Variants in PLXDC2 observed in about 807,000 individuals in gnomAD.
PLXDC2 encodes plexin domain containing 2, also known as plexin domain-containing protein 2.
PLXDC2 carries 40 observed loss-of-function variants against 68.9 expected under a neutral mutation model. The observed-to-expected ratio is 0.58, with a 90% confidence interval of 0.45 to 0.76. The LOEUF (loss-of-function observed/expected upper bound fraction) is 0.76, where lower values mean the gene tolerates loss of function less well. Among genes scored for constraint, PLXDC2 ranks in the 30% least tolerant of loss-of-function variants. The probability of loss-of-function intolerance (pLI) is 0.00; values close to 1 mark genes in which losing one functional copy is unlikely to be tolerated. For missense variants in PLXDC2, 644 were observed against 661.9 expected, an observed-to-expected ratio of 0.97 and a Z score of 0.30; for synonymous variants, 243 against 234.2, an observed-to-expected ratio of 1.04 and a Z score of -0.34.
intron 4 of PLXDC2, among the ~76,000 whole-genome samples, chr10:20,124,157 A>C (rs1450001480): frequency 1.3e-5 from 2 of 152,140 alleles, no homozygotes; most frequent in Non-Finnish European, 2.9e-5. Context: ...ATGGGTAAAT[A>C]ATCAGAGAGG....
intron 10 of PLXDC2, among the ~76,000 whole-genome samples, chr10:20,214,898 G>A (rs2131860825): frequency 6.6e-6 from 1 of 152,278 alleles, no homozygotes; most frequent in South Asian, 2.1e-4. Flanking sequence ...TACTCCTTGA[G>A]TTTGAGATGT....
At chr10:20,172,088 C>T (rs1050300775) in intron 7 of PLXDC2, among the ~76,000 whole-genome samples, 2 of 152,100 alleles carry the variant, frequency 1.3e-5, no homozygotes, top group Admixed American at 6.6e-5. Context: ...CTACCCCTTA[C>T]ATTTATACGA....
rs142344167 is a variant in PLXDC2 at position 19,847,385 on chromosome 10, G to C, written c.112+30194G>C. Among the ~76,000 whole-genome samples, 529 of 152,286 alleles carry C rather than the reference G, an allele frequency of 3.5e-3. 4 individuals carry two copies. Among genetic ancestry groups the C allele is most frequent in the African/African-American group, 0.012 (497 of 41,562 alleles). ...GAAGGAGTCACTTTGGTTTGTGCAG[G>C]TCTGCAGAGCACGTTTTAAGAACTA... On this transcript the variant is annotated intron_variant, in intron 1 of 13. Coordinates refer to ENST00000377252, the MANE Select transcript of PLXDC2 (RefSeq NM_032812.9).
At chr10:19,851,740 G>C (rs1409400171) in intron 1 of PLXDC2, among the ~76,000 whole-genome samples, 1 of 152,068 alleles carries the variant, frequency 6.6e-6, no homozygotes, top group African/African-American at 2.4e-5. Flanking sequence ...TAAAAACCTG[G>C]TTTGACGGTG....
intron 4 of PLXDC2, among the ~76,000 whole-genome samples, chr10:20,069,520 T>C (rs1424911786): frequency 6.6e-6 from 1 of 152,136 alleles, no homozygotes; most frequent in Admixed American, 6.6e-5. Context: ...TTAACCATGG[T>C]GGGGTGCTCC....
chr10:20,041,890 CTCT>C (rs1239317469), intron 2 of PLXDC2, among the ~76,000 whole-genome samples: 1 of 152,126 alleles, frequency 6.6e-6, no homozygotes, highest in Non-Finnish European at 1.5e-5. Context: ...AATCTCATAT[CTCT>C]TCTTACAAGG....
chr10:20,067,449 G>T (rs1458994222), intron 3 of PLXDC2, among the ~76,000 whole-genome samples: 2 of 152,140 alleles, frequency 1.3e-5, no homozygotes, highest in African/African-American at 2.4e-5. Context: ...ACTTTGGGAG[G>T]CTGAGGCAGG....
chr10:19,951,082 C>G (rs935567947), intron 1 of PLXDC2, among the ~76,000 whole-genome samples: 1 of 152,014 alleles, frequency 6.6e-6, no homozygotes, highest in Admixed American at 6.6e-5. Flanking sequence ...TGGACATCAG[C>G]CTTGGGAAAG....
chr10:20,280,874 A>G lies in PLXDC2; in HGVS notation c.*1055A>G, dbSNP rs1053200458. The G allele has an allele frequency of 6.6e-6, 1 of 152,018 alleles. No homozygotes were observed. Among genetic ancestry groups the G allele is most frequent in the African/African-American group, 2.4e-5 (1 of 41,426 alleles). 9.4% of individuals were successfully genotyped at this position (152,018 alleles called of 1,614,324 possible). On this transcript the variant is annotated 3_prime_UTR_variant, in exon 14 of 14. Transcript: ENST00000377252. ...ATGAAAAAACCCTGCTGAATCATACAGTAATTTTCTTTAAAGCACATAGTA... is the reference window on the plus strand; with the variant it reads ...ATGAAAAAACCCTGCTGAATCATACGGTAATTTTCTTTAAAGCACATAGTA...
At chr10:20,198,834 TG>T (rs1834877354) in intron 9 of PLXDC2, among the ~76,000 whole-genome samples, 1 of 152,156 alleles carries the variant, frequency 6.6e-6, no homozygotes, top group South Asian at 2.1e-4. Flanking sequence ...AAGCGATTAA[TG>T]ATTTATTCTC....
At chr10:19,847,507 A>G (rs1029169324) in intron 1 of PLXDC2, among the ~76,000 whole-genome samples, 1 of 152,172 alleles carries the variant, frequency 6.6e-6, no homozygotes, top group African/African-American at 2.4e-5. Context: ...TTACCTAGGA[A>G]TGTATAAGAA....
intron 6 of PLXDC2, among the ~76,000 whole-genome samples, chr10:20,159,518 C>G (rs1399392728): frequency 6.6e-6 from 1 of 152,140 alleles, no homozygotes; most frequent in Non-Finnish European, 1.5e-5. Flanking sequence ...GTTTGTCTGG[C>G]TCCCGTTGTC....
At chr10:20,089,664 T>A (rs1170707198) in intron 4 of PLXDC2, among the ~76,000 whole-genome samples, 2 of 152,296 alleles carry the variant, frequency 1.3e-5, no homozygotes, top group African/African-American at 4.8e-5. Context: ...GTCCTGGCCA[T>A]AATTTTCCTA....
intron 1 of PLXDC2, among the ~76,000 whole-genome samples, chr10:19,894,074 G>T (rs1838013074): frequency 1.3e-5 from 2 of 152,166 alleles, no homozygotes; most frequent in Admixed American, 1.3e-4. Flanking sequence ...TGTAGAAAGA[G>T]AAATTAGCCT....
At chr10:19,906,266 T>G (rs1188731900) in intron 1 of PLXDC2, among the ~76,000 whole-genome samples, 1 of 152,108 alleles carries the variant, frequency 6.6e-6, no homozygotes, top group Admixed American at 6.6e-5. Context: ...AGGAAACAAT[T>G]GGCACTGAGT....
intron 1 of PLXDC2, among the ~76,000 whole-genome samples, chr10:19,826,225 T>C (rs1836566368): frequency 6.6e-6 from 1 of 152,220 alleles, no homozygotes; most frequent in Non-Finnish European, 1.5e-5. Flanking sequence ...TTGCCCAAAA[T>C]GTACTGCCTG....
chr10:20,212,430 C>T (rs886111848), intron 10 of PLXDC2, among the ~76,000 whole-genome samples: 3 of 152,008 alleles, frequency 2.0e-5, no homozygotes, highest in Non-Finnish European at 2.9e-5. Flanking sequence ...CAATTTTAAC[C>T]CGTTTAAAAG....
chr10:20,209,842 G>A (rs572309514), intron 9 of PLXDC2, among the ~76,000 whole-genome samples: 2 of 152,242 alleles, frequency 1.3e-5, no homozygotes, highest in African/African-American at 4.8e-5. Context: ...AATCACAAGG[G>A]TATTGACTGG....
At chr10:19,999,475 C>A (rs1431957612) in intron 1 of PLXDC2, among the ~76,000 whole-genome samples, 1 of 148,288 alleles carries the variant, frequency 6.7e-6, no homozygotes, top group Non-Finnish European at 1.5e-5. Flanking sequence ...TTTTTAAATA[C>A]CATTTTTTTT....
Sources: allele counts gnomAD v4.1 joint callset (sites outside exome capture counted in the v4.1 genomes callset), GRCh38; gene constraint gnomAD v4.1.1; transcripts MANE v1.5; gene names NCBI Gene and HGNC (gene_info 2026-07-23, HGNC 2026-07-21).